The following C2CD3 variants were observed in gnomAD, a reference collection of about 807,000 sequenced individuals.
C2CD3 encodes C2 domain-containing protein 3.
In C2CD3, 148 loss-of-function variants were observed where a neutral mutation model predicts 234.0. The observed-to-expected ratio is 0.63, with a 90% CI of 0.55 to 0.72. The LOEUF (loss-of-function observed/expected upper bound fraction) is 0.72, where lower values mean the gene tolerates loss of function less well. C2CD3 is among the 30% of genes least tolerant of loss of function. The pLI, the probability that C2CD3 is intolerant of heterozygous loss-of-function variation, is 0.00. For synonymous variants in C2CD3, 1,000 were observed against 1,035.4 expected (o/e 0.97, Z 0.66); for missense variants, 2,577 against 2,811.5 (o/e 0.92, Z 1.89).
At chr11:74,125,742 T>A (rs759324594) in intron 7 of C2CD3, among the ~76,000 whole-genome samples, 3 of 152,122 alleles carry the variant, frequency 2.0e-5, no homozygotes, top group Non-Finnish European at 4.4e-5. Flanking sequence ...ATTAACTGCC[T>A]TTTCATTTGC....
intron 4 of C2CD3, 127 bp from the exon 5 acceptor site, chr11:74,139,094 A>T (rs1957962760): frequency 1.5e-6 from 1 of 670,088 alleles, no homozygotes; most frequent in East Asian, 2.7e-5. Flanking sequence ...AGCGTGACTT[A>T]TTTGCAATAC....
At chr11:74,093,776 C>A in intron 18 of C2CD3, 40 bp downstream of exon 18, 1 of 1,553,882 alleles carries the variant, frequency 6.4e-7, no homozygotes, top group Non-Finnish European at 8.8e-7. Flanking sequence ...TGATTGTGCA[C>A]TTCCTTCCTA....
intron 3 of C2CD3, among the ~76,000 whole-genome samples, chr11:74,160,219 T>A (rs746945753): frequency 1.3e-5 from 2 of 152,066 alleles, no homozygotes; most frequent in African/African-American, 4.8e-5. Flanking sequence ...TCAAAATATA[T>A]CCCCATCATT....
intron 11 of C2CD3, among the ~76,000 whole-genome samples, chr11:74,110,290 C>T (rs1184954915): frequency 6.6e-6 from 1 of 152,070 alleles, no homozygotes; most frequent in Non-Finnish European, 1.5e-5. Context: ...ACAAGAGGCC[C>T]AGTTATGTAT....
At chr11:74,065,418 T>G (rs1401545399) in intron 24 of C2CD3, among the ~76,000 whole-genome samples, 1 of 152,146 alleles carries the variant, frequency 6.6e-6, no homozygotes. Context: ...AAACAACAGG[T>G]GCTGGGGAGG....
At position 74,078,438 on chromosome 11, in the gene C2CD3, T is replaced by C. The variant is rs755076380; in HGVS notation, c.4280A>G (p.Asn1427Ser). 4 of 1,614,212 alleles carry C rather than the reference T, an allele frequency of 2.5e-6. No individual in the cohort carries two copies. Among genetic ancestry groups the C allele is most frequent in the Admixed American group, 1.7e-5 (1 of 60,030 alleles). Residue 1427 changes from asparagine to serine, a missense_variant, in exon 23 of 33, where the codon AAC becomes AGC. Asn to Ser is a conservative substitution (Grantham distance 46). Coordinates refer to ENST00000334126, the MANE Select transcript of C2CD3 (RefSeq NM_001286577.2). ...GCAATATGTATTCTTATGAATGTGG[T>C]TGTGGCCAGCAAGCAGCACACAATG... ...PIHCVLLAGH[N>S]HIHKNTYCYL...
At chr11:74,101,546 A>G (rs1956316118) in intron 14 of C2CD3, among the ~76,000 whole-genome samples, 1 of 152,186 alleles carries the variant, frequency 6.6e-6, no homozygotes, top group Admixed American at 6.5e-5. Flanking sequence ...GTTCCTTGAA[A>G]CCAAAAAAAG....
intron 8 of C2CD3, among the ~76,000 whole-genome samples, chr11:74,120,888 T>C (rs767622683): frequency 2.0e-5 from 3 of 151,990 alleles, no homozygotes; most frequent in Non-Finnish European, 4.4e-5. Context: ...CCAGGTGCAG[T>C]GGCTCATGCC....
intron 31 of C2CD3, among the ~76,000 whole-genome samples, chr11:74,028,659 C>T (rs1249757895): frequency 6.6e-6 from 1 of 152,208 alleles, no homozygotes; most frequent in African/African-American, 2.4e-5. Context: ...GTGATCCCTC[C>T]TTCCTCACAT....
intron 32 of C2CD3, among the ~76,000 whole-genome samples, chr11:74,019,584 C>T (rs1952006742): frequency 6.6e-6 from 1 of 152,222 alleles, no homozygotes; most frequent in Admixed American, 6.5e-5. Context: ...AGGCCCCCTA[C>T]TGATCTGATC....
At chr11:74,160,176 G>A (rs7951052) in intron 3 of C2CD3, among the ~76,000 whole-genome samples, 2 of 152,086 alleles carry the variant, frequency 1.3e-5, no homozygotes, top group Non-Finnish European at 2.9e-5. Flanking sequence ...ACTGACGTTC[G>A]CACAAGGATG....
chr11:74,169,550 C>T (rs1857023797), intron 1 of C2CD3, among the ~76,000 whole-genome samples: 1 of 152,124 alleles, frequency 6.6e-6, no homozygotes, highest in Admixed American at 6.5e-5. Context: ...CAAACACCGC[C>T]TCTGCCCTCT....
At chr11:74,049,954 A>AT (rs1179104448) in intron 26 of C2CD3, among the ~76,000 whole-genome samples, 2 of 151,864 alleles carry the variant, frequency 1.3e-5, no homozygotes, top group East Asian at 3.9e-4. Flanking sequence ...CTAATTTTTA[A>AT]TTTTTTTGTT....
At chr11:74,073,605 AT>A (rs1175567104) in intron 24 of C2CD3, among the ~76,000 whole-genome samples, 5 of 142,942 alleles carry the variant, frequency 3.5e-5, no homozygotes, top group African/African-American at 5.3e-5. Context: ...AAAAAAAAAA[AT>A]CAAAACAAAC....
chr11:74,042,800 T>A (rs1953136986), intron 28 of C2CD3, among the ~76,000 whole-genome samples: 2 of 150,992 alleles, frequency 1.3e-5, no homozygotes, highest in Non-Finnish European at 3.0e-5. Context: ...TCTGAAGTAA[T>A]AATAACAAGA....
intron 31 of C2CD3, among the ~76,000 whole-genome samples, chr11:74,032,134 C>G (rs751166693): frequency 2.0e-5 from 3 of 152,170 alleles, no homozygotes; most frequent in Admixed American, 6.5e-5. Context: ...GGTCCCTGAC[C>G]TGGGGAGCTT....
At chr11:74,021,839 G>A (rs916218502) in intron 32 of C2CD3, among the ~76,000 whole-genome samples, 2 of 150,624 alleles carry the variant, frequency 1.3e-5, no homozygotes, top group Non-Finnish European at 3.0e-5. Context: ...AGAAATAGTC[G>A]GGGGGGCTGG....
At chr11:74,154,417 T>A (rs1855875186) in intron 3 of C2CD3, among the ~76,000 whole-genome samples, 1 of 151,908 alleles carries the variant, frequency 6.6e-6, no homozygotes, top group Admixed American at 6.6e-5. Context: ...TCTCTACTTA[T>A]TAAAAAAGAA....
chr11:74,107,125 C>A (rs2135501216), intron 12 of C2CD3, among the ~76,000 whole-genome samples: 1 of 152,228 alleles, frequency 6.6e-6, no homozygotes, highest in East Asian at 1.9e-4. Flanking sequence ...AGTTCAAGAC[C>A]AGCCTGGCCA....
Sources: gnomAD v4.1 joint callset for allele counts (sites outside exome capture counted in the v4.1 genomes callset) on GRCh38, gnomAD v4.1.1 for gene constraint, MANE v1.5 for transcripts, NCBI Gene and HGNC (gene_info 2026-07-23, HGNC 2026-07-21) for gene names.